The following TRDMT1 variants were observed in gnomAD, a reference collection of about 807,000 sequenced individuals.
TRDMT1 encodes the protein tRNA aspartic acid methyltransferase 1.
A neutral mutation model predicts 51.2 loss-of-function variants in TRDMT1; 49 were observed. The ratio of observed to expected loss-of-function variants is 0.96; its 90% confidence interval spans 0.76 to 1.21. The LOEUF is 1.21. Among genes scored for constraint, TRDMT1 ranks in the 50% most tolerant of loss-of-function variants. The pLI, the probability that TRDMT1 is intolerant of heterozygous loss-of-function variation, is 0.00. For missense variants in TRDMT1, 534 were observed against 462.3 expected, an observed-to-expected ratio of 1.16 and a Z score of -1.42; for synonymous variants, 187 against 164.6, an observed-to-expected ratio of 1.14 and a Z score of -1.04.
rs998434920 is a variant in TRDMT1 at position 17,201,628 on chromosome 10, G to T, written c.7C>A (p.Pro3Thr). The T allele has an allele frequency of 6.5e-7, 1 of 1,543,810 alleles. No individual in the cohort carries two copies. The highest frequency in any genetic ancestry group is 8.7e-7 in the Non-Finnish European group (1 of 1,144,460). Residue 3 changes from proline to threonine, a missense_variant, in exon 1 of 11, where the codon CCC (proline) becomes ACC (threonine). Coordinates refer to ENST00000377799, the MANE Select transcript of TRDMT1 (RefSeq NM_004412.7). ME[P>T]LRVLELYSGV... is the part of the protein sequence containing the mutation. ...CTGTATAGCTCCAGCACCCGCAGGG[G>T]CTCCATCCCCGCGCCTCAGCCGCCG...
At chr10:17,162,109 T>C (rs1840443043) in intron 4 of TRDMT1, 57 bp downstream of exon 4, 2 of 1,464,676 alleles carry the variant, frequency 1.4e-6, no homozygotes, top group Non-Finnish European at 1.9e-6. Context: ...CGTCACATTC[T>C]TCCAGACCTG....
At chr10:17,189,228 T>C (rs917807736) in intron 1 of TRDMT1, among the ~76,000 whole-genome samples, 1 of 152,214 alleles carries the variant, frequency 6.6e-6, no homozygotes, top group African/African-American at 2.4e-5. Context: ...AGTGTATGTA[T>C]ATATATTTGT....
rs547408090 is a variant in TRDMT1, at chr10:17,148,428, G to C, written c.*612C>G. 4.1e-5 allele frequency: 40 copies of C among 985,418 alleles called. 1 individual carries two copies. In the African/African-American group the frequency reaches 6.8e-4, roughly 17 times the overall value. 61.0% of individuals were successfully genotyped at this position (985,418 alleles called of 1,614,324 possible). ...TCAGATAGAGGCTGAGGAAAATGTA[G>C]ATAATGTGCACCAACAGTTTCTGTG... On this transcript the variant is annotated 3_prime_UTR_variant, in exon 11 of 11. Coordinates refer to ENST00000377799, the MANE Select transcript of TRDMT1 (RefSeq NM_004412.7).
In TRDMT1 at chr10:17,145,619, C is replaced by A; in HGVS notation, c.*3421G>T. On this transcript the variant is annotated 3_prime_UTR_variant, in exon 11 of 11. Coordinates refer to ENST00000377799, the MANE Select transcript of TRDMT1 (RefSeq NM_004412.7). ...CGAAGGCCAAATTATGACAAGGTAA[C>A]CTGTTCATAACATAAGCAATTCAGG... is the stretch of plus-strand genomic sequence containing the variant. 1 of 985,432 alleles carries A rather than the reference C, an allele frequency of 1.0e-6. No homozygotes were observed. 61.0% of individuals were successfully genotyped at this position (985,432 alleles called of 1,614,324 possible). A position where few individuals can be genotyped will look rare whatever the true frequency, so the allele number is the denominator to read the frequency against.
intron 9 of TRDMT1, among the ~76,000 whole-genome samples, chr10:17,154,069 G>A (rs879490410): frequency 6.6e-6 from 1 of 152,050 alleles, no homozygotes; most frequent in Non-Finnish European, 1.5e-5. Flanking sequence ...AATATATTAA[G>A]CAAATATAAT....
At chr10:17,201,514 G>T in intron 1 of TRDMT1, 57 bp downstream of exon 1, 1 of 1,510,868 alleles carries the variant, frequency 6.6e-7, no homozygotes, top group Middle Eastern at 1.7e-4. Context: ...CCCGGCGCGG[G>T]TGCTCCAACC....
chr10:17,190,194 T>C (rs1032094782), intron 1 of TRDMT1, among the ~76,000 whole-genome samples: 1 of 152,160 alleles, frequency 6.6e-6, no homozygotes, highest in African/African-American at 2.4e-5. Flanking sequence ...GGAGAGCTGG[T>C]TGGCACTATT....
intron 1 of TRDMT1, among the ~76,000 whole-genome samples, chr10:17,179,544 A>C (rs1564319603): frequency 6.6e-6 from 1 of 152,054 alleles, no homozygotes; most frequent in Admixed American, 6.5e-5. Flanking sequence ...AATGATAATG[A>C]TTATTTTAAC....
In TRDMT1 at chr10:17,157,759, T is replaced by C; in HGVS notation, c.569A>G (p.Glu190Gly). The C allele has an allele frequency of 1.9e-6, 3 of 1,598,824 alleles. No individual in the cohort carries two copies. The highest frequency in any genetic ancestry group is 2.6e-6 in the Non-Finnish European group (3 of 1,173,742). The change falls in exon 8 of 11, where the codon GAA becomes GGA. Residue 190 changes from glutamate (E) to glycine (G), a missense_variant. Coordinates refer to ENST00000377799, the MANE Select transcript of TRDMT1 (RefSeq NM_004412.7). Reference sequence around the variant, plus strand: ...TGCATATTTTTGTGGATGTACAGATTCAATTTTGGGGAACTCCATCAGTAC... The same window carrying C: ...TGCATATTTTTGTGGATGTACAGATCCAATTTTGGGGAACTCCATCAGTAC... ...GQVLMEFPKI[E>G]SVHPQKYAMD... is the part of the protein sequence containing the mutation.
rs1837553343 is a variant in TRDMT1, at chr10:17,140,060, T to TA, written c.*8979_*8980insT. On this transcript the variant is annotated 3_prime_UTR_variant, in exon 11 of 11. Coordinates refer to ENST00000377799, the MANE Select transcript of TRDMT1 (RefSeq NM_004412.7). The stretch of plus-strand genomic sequence containing the variant: ...TGCTTTTTTTTTTTTTTTTTTTTTT[T>TA]TTTGAGACAGAGTCTTGCCCTGTCA... Among the ~76,000 whole-genome samples the TA allele has an allele frequency of 7.5e-6, 1 of 133,798 alleles. No individual in the cohort carries two copies. Among genetic ancestry groups the TA allele is most frequent in the Non-Finnish European group, 1.6e-5 (1 of 63,262 alleles). The allele number at this position is 133,798 out of a possible 152,430, so 87.8% of individuals were successfully genotyped here.
rs952151205 is a variant in TRDMT1, at chr10:17,142,361, C to T, written c.*6679G>A. 1 of 152,110 alleles carries T rather than the reference C, an allele frequency of 6.6e-6. No individual in the cohort carries two copies. The highest frequency in any genetic ancestry group is 2.4e-5 in the African/African-American group (1 of 41,408). The allele number at this position is 152,110 out of a possible 1,614,324, so 9.4% of individuals were successfully genotyped here. A position where few individuals can be genotyped will look rare whatever the true frequency, so the allele number is the denominator to read the frequency against. The stretch of plus-strand genomic sequence containing the variant: ...TCCAGTGGTAATTTAGTTTTTAAAG[C>T]CTTTGCAGTGTTATTTTGGTCTGCT... On this transcript the variant is annotated 3_prime_UTR_variant, in exon 11 of 11. Coordinates refer to ENST00000377799, the MANE Select transcript of TRDMT1 (RefSeq NM_004412.7).
intron 1 of TRDMT1, among the ~76,000 whole-genome samples, chr10:17,198,306 C>G (rs1213123643): frequency 6.6e-6 from 1 of 152,118 alleles, no homozygotes; most frequent in Admixed American, 6.5e-5. Flanking sequence ...TAGGTCTATA[C>G]CCCAAAACTT....
chr10:17,195,820 A>T (rs1006940820), intron 1 of TRDMT1, among the ~76,000 whole-genome samples: 1 of 152,218 alleles, frequency 6.6e-6, no homozygotes, highest in African/African-American at 2.4e-5. Flanking sequence ...AATTTATTTT[A>T]ATAGGACAAC....
Position 17,146,594 on chromosome 10 carries a change from C to A in TRDMT1, c.*2446G>T. The stretch of plus-strand genomic sequence containing the variant: ...AAATACCTTACAATTATCTGGCAAG[C>A]CGTTTAAAAGAGCAGGGATGATGGG... On this transcript the variant is annotated 3_prime_UTR_variant, in exon 11 of 11. Coordinates refer to ENST00000377799, the MANE Select transcript of TRDMT1 (RefSeq NM_004412.7). 1 of 985,240 alleles carries A rather than the reference C, an allele frequency of 1.0e-6. No homozygotes were observed. The highest frequency in any genetic ancestry group is 1.2e-6 in the Non-Finnish European group (1 of 829,822). The allele number at this position is 985,240 out of a possible 1,614,324, so 61.0% of individuals were successfully genotyped here.
rs544086712 is a variant in TRDMT1 at position 17,141,287 on chromosome 10, G to A, written c.*7753C>T. 5.9e-4 allele frequency among the ~76,000 whole-genome samples: 89 copies of A among 152,094 alleles called. No homozygotes were observed. The highest frequency in any genetic ancestry group is 1.1e-3 in the Non-Finnish European group (75 of 67,990). On this transcript the variant is annotated 3_prime_UTR_variant, in exon 11 of 11. Transcript: ENST00000377799. ...AGCCATTCCCCTGCCTCAGCCTCCC[G>A]AGTAGCTGGGACTACAGGCATGCAC...
At chr10:17,171,127 G>GTGTA (rs1554760371) in intron 2 of TRDMT1, among the ~76,000 whole-genome samples, 1 of 151,886 alleles carries the variant, frequency 6.6e-6, no homozygotes, top group Non-Finnish European at 1.5e-5. Flanking sequence ...GTGTGTGTGT[G>GTGTA]TGTGTGTGTG....
intron 1 of TRDMT1, among the ~76,000 whole-genome samples, chr10:17,184,092 TCA>T (rs1372444311): frequency 6.6e-6 from 1 of 152,222 alleles, no homozygotes; most frequent in East Asian, 1.9e-4. Context: ...AGTAACCTAT[TCA>T]CATGCTTATA....
Position 17,157,517 on chromosome 10 carries a change from T to A in TRDMT1, c.811A>T (p.Lys271Ter), listed in dbSNP as rs1435996322. 1 of 1,613,984 alleles carries A rather than the reference T, an allele frequency of 6.2e-7. No individual in the cohort carries two copies. The highest frequency in any genetic ancestry group is 8.5e-7 in the Non-Finnish European group (1 of 1,179,908). ...AGAAGAGCATATCGCAGCAATGACT[T>A]TGGTGGTAAAAGATACTGGTTCACG... is the stretch of plus-strand genomic sequence containing the variant. ...TDVNQYLLPP[K>*]SLLRYALLLD... is the part of the protein sequence containing the mutation. Residue 271 changes from lysine to a stop codon, truncating the protein, a stop_gained, in exon 8 of 11, where the codon AAG becomes TAG. Coordinates refer to ENST00000377799, the MANE Select transcript of TRDMT1 (RefSeq NM_004412.7). LOFTEE classifies it high-confidence loss of function.
chr10:17,145,936 C>G lies in TRDMT1; in HGVS notation c.*3104G>C. 1.0e-6 allele frequency: 1 copy of G among 985,406 alleles called. No individual in the cohort carries two copies. Among genetic ancestry groups the G allele is most frequent in the Non-Finnish European group, 1.2e-6 (1 of 829,922 alleles). The allele number at this position is 985,406 out of a possible 1,614,324, so 61.0% of individuals were successfully genotyped here. Reference sequence around the variant, plus strand: ...TTTCTCTCTCCTCAGAAGTCTCCAGCTTAATCACTCTAGACCTCAACTAGG... The same window carrying G: ...TTTCTCTCTCCTCAGAAGTCTCCAGGTTAATCACTCTAGACCTCAACTAGG... On this transcript the variant is annotated 3_prime_UTR_variant, in exon 11 of 11. Transcript: ENST00000377799.
Sources: gnomAD v4.1 joint callset for allele counts (sites outside exome capture counted in the v4.1 genomes callset) on GRCh38, gnomAD v4.1.1 for gene constraint, MANE v1.5 for transcripts, NCBI Gene and HGNC (gene_info 2026-07-23, HGNC 2026-07-21) for gene names.